The following HTR2C variants were observed in gnomAD, a reference collection of about 807,000 sequenced individuals.
HTR2C encodes 5-hydroxytryptamine (serotonin) receptor 2C, G protein-coupled.
HTR2C carries 5 observed loss-of-function variants against 21.0 expected under a neutral mutation model. That is an observed-to-expected ratio of 0.24 (90% confidence interval 0.12 to 0.50). HTR2C has a LOEUF of 0.50. Ranked by LOEUF, HTR2C falls within the 20% of genes least tolerant of loss-of-function variation. The pLI is 0.98. For synonymous variants in HTR2C, 150 were observed against 145.3 expected (o/e 1.03, Z -0.23); for missense variants, 271 against 371.2 (o/e 0.73, Z 2.22).
chrX:114,651,863 C>A (rs1296691500), intron 2 of HTR2C, among the ~76,000 whole-genome samples: 1 of 111,648 alleles, frequency 9.0e-6, no homozygotes, highest in East Asian at 2.8e-4. Context: ...TCAAAGTTAG[C>A]TTTCAGTAGC....
intron 4 of HTR2C, among the ~76,000 whole-genome samples, chrX:114,789,145 T>G (rs1349155515): frequency 8.9e-6 from 1 of 111,978 alleles, no homozygotes; most frequent in East Asian, 2.8e-4. Context: ...AGAAAATTAT[T>G]TGCTTCACAC....
intron 2 of HTR2C, among the ~76,000 whole-genome samples, chrX:114,682,121 T>C (rs1316584008): frequency 9.0e-6 from 1 of 111,430 alleles, no homozygotes; most frequent in Admixed American, 9.6e-5. Flanking sequence ...AAGATATAAT[T>C]ACCTTGCATT....
At chrX:114,637,734 G>A (rs1174840937) in intron 2 of HTR2C, among the ~76,000 whole-genome samples, 3 of 111,264 alleles carry the variant, frequency 2.7e-5, no homozygotes, top group Non-Finnish European at 5.7e-5. Flanking sequence ...GTGCAGGAAG[G>A]AAAATTAAAA....
At chrX:114,815,942 T>C (rs2070580514) in intron 4 of HTR2C, among the ~76,000 whole-genome samples, 1 of 110,670 alleles carries the variant, frequency 9.0e-6, no homozygotes, top group South Asian at 3.8e-4. Context: ...ACTGATCTCC[T>C]TGACATTTTC....
At chrX:114,906,084 C>T (rs1333074639) in intron 5 of HTR2C, among the ~76,000 whole-genome samples, 1 of 111,889 alleles carries the variant, frequency 8.9e-6, no homozygotes, top group Non-Finnish European at 1.9e-5. Flanking sequence ...TAGACTCAGC[C>T]CAGCCATCCC....
intron 4 of HTR2C, among the ~76,000 whole-genome samples, chrX:114,792,158 G>A (rs2070239804): frequency 9.0e-6 from 1 of 111,153 alleles, no homozygotes; most frequent in South Asian, 3.7e-4. Flanking sequence ...TGTGCAGAAC[G>A]TGCAAGTTTG....
chrX:114,877,511 G>A (rs2071148132), intron 5 of HTR2C, among the ~76,000 whole-genome samples: 1 of 109,012 alleles, frequency 9.2e-6, no homozygotes, highest in African/African-American at 3.3e-5. Context: ...TGTTCTTTTT[G>A]TTCTAGTTCC....
chrX:114,711,722 G>GA (rs1478995044), intron 2 of HTR2C, among the ~76,000 whole-genome samples: 4 of 111,722 alleles, frequency 3.6e-5, no homozygotes, highest in African/African-American at 6.5e-5. Flanking sequence ...CCATTTATCA[G>GA]AAAAAATAGC....
intron 5 of HTR2C, among the ~76,000 whole-genome samples, chrX:114,879,205 T>A (rs954577047): frequency 1.3e-4 from 14 of 108,926 alleles, no homozygotes; most frequent in Non-Finnish European, 2.7e-4. Flanking sequence ...TATACCATTC[T>A]GCTTTTGACC....
At chrX:114,769,005 G>A (rs945571078) in intron 4 of HTR2C, among the ~76,000 whole-genome samples, 2 of 90,717 alleles carry the variant, frequency 2.2e-5, no homozygotes, top group Admixed American at 1.3e-4. Flanking sequence ...TTCCCTTGCA[G>A]TTTTTTTCAG....
intron 2 of HTR2C, among the ~76,000 whole-genome samples, chrX:114,715,962 G>A (rs868992569): frequency 1.8e-5 from 2 of 112,615 alleles, no homozygotes; most frequent in Middle Eastern, 4.7e-3. Flanking sequence ...ATAAGCAATC[G>A]ATAAATATTT....
At chrX:114,756,227 A>T in intron 4 of HTR2C, among the ~76,000 whole-genome samples, 1 of 112,206 alleles carries the variant, frequency 8.9e-6, no homozygotes. Flanking sequence ...GAGAAACTGG[A>T]TCACTCATAC....
intron 5 of HTR2C, among the ~76,000 whole-genome samples, chrX:114,874,969 T>C (rs1418654699): frequency 8.9e-6 from 1 of 111,769 alleles, no homozygotes; most frequent in African/African-American, 3.3e-5. Context: ...GGGTTCAGGC[T>C]GCTATAACAA....
chrX:114,668,683 C>A (rs189568151), intron 2 of HTR2C, among the ~76,000 whole-genome samples: 9 of 110,510 alleles, frequency 8.1e-5, no homozygotes, highest in African/African-American at 2.9e-4. Flanking sequence ...AAAATGGGAA[C>A]CAAGAATTAT....
chrX:114,638,771 C>T (rs1929969346), intron 2 of HTR2C, among the ~76,000 whole-genome samples: 1 of 98,004 alleles, frequency 1.0e-5, no homozygotes, highest in African/African-American at 3.7e-5. Context: ...TGAGAACATG[C>T]AGTGTTTGGT....
intron 5 of HTR2C, among the ~76,000 whole-genome samples, chrX:114,860,807 A>G (rs782016177): frequency 2.7e-5 from 3 of 110,851 alleles, no homozygotes; most frequent in Admixed American, 9.7e-5. Context: ...CCTCATGCCC[A>G]CTTGTAATAC....
rs1929430483 is a variant in HTR2C, at chrX:114,627,606, G to A, written c.-80+13725G>A. Among the ~76,000 whole-genome samples the A allele has an allele frequency of 3.6e-5, 4 of 111,646 alleles. No individual in the cohort carries two copies. The Admixed American group carries it at 3.8e-4, about 11-fold the overall frequency. On this transcript the variant is annotated intron_variant, in intron 2 of 5. Transcript: ENST00000276198. ...AATTAATGAAGCCTGCATTTCAGCA[G>A]AAGATCCTTAAGGAAGTGCTCTTAT...
chrX:114,672,867 CT>C (rs1931429765), intron 2 of HTR2C, among the ~76,000 whole-genome samples: 1 of 112,191 alleles, frequency 8.9e-6, no homozygotes, highest in Admixed American at 9.5e-5. Context: ...ATGTTTCCTA[CT>C]TTTTTATTGT....
At chrX:114,774,262 G>T (rs1556438057) in intron 4 of HTR2C, among the ~76,000 whole-genome samples, 1 of 111,681 alleles carries the variant, frequency 9.0e-6, no homozygotes, top group Non-Finnish European at 1.9e-5. Flanking sequence ...ATAAATAATA[G>T]GTGGTTAAGA....
Sources: gnomAD v4.1 joint callset for allele counts (sites outside exome capture counted in the v4.1 genomes callset) on GRCh38, gnomAD v4.1.1 for gene constraint, MANE v1.5 for transcripts, NCBI Gene and HGNC (gene_info 2026-07-23, HGNC 2026-07-21) for gene names.